Variants in CHN2 observed in about 807,000 individuals in gnomAD.
CHN2 encodes the protein chimerin 2.
Under a neutral mutation model 56.3 loss-of-function variants are expected in CHN2, and 35 were observed. The ratio of observed to expected loss-of-function variants is 0.62; its 90% CI spans 0.47 to 0.82. CHN2 has a LOEUF of 0.82. Ranked by LOEUF, CHN2 falls within the 40% of genes least tolerant of loss-of-function variation. CHN2 has a pLI of 0.00. For missense variants in CHN2, 491 were observed against 580.5 expected (o/e 0.85, Z 1.58); for synonymous variants, 210 against 212.8 (o/e 0.99, Z 0.12).
intron 1 of CHN2, among the ~76,000 whole-genome samples, chr7:29,299,441 T>C (rs1239570855): frequency 6.6e-6 from 1 of 152,070 alleles, no homozygotes; most frequent in Non-Finnish European, 1.5e-5. Flanking sequence ...TGAGTTTCAT[T>C]TTGGGGAGTG....
At chr7:29,499,588 C>CA (rs1365633164) in intron 8 of CHN2, among the ~76,000 whole-genome samples, 2 of 151,848 alleles carry the variant, frequency 1.3e-5, no homozygotes, top group Non-Finnish European at 2.9e-5. Flanking sequence ...AAAACATATA[C>CA]AAAAAAACCT....
At chr7:29,501,791 T>TA (rs1183159887) in intron 9 of CHN2, among the ~76,000 whole-genome samples, 62 of 152,266 alleles carry the variant, frequency 4.1e-4, no homozygotes, top group African/African-American at 1.4e-3. Flanking sequence ...CTTCCATCCA[T>TA]AAAAAATCCT....
At chr7:29,340,333 A>G (rs1351854306) in intron 1 of CHN2, among the ~76,000 whole-genome samples, 1 of 151,094 alleles carries the variant, frequency 6.6e-6, no homozygotes, top group East Asian at 2.0e-4. Context: ...AAGTTTTTAT[A>G]TTCAGAAATC....
At chr7:29,316,865 C>G (rs1352482024) in intron 1 of CHN2, among the ~76,000 whole-genome samples, 1 of 151,780 alleles carries the variant, frequency 6.6e-6, no homozygotes, top group Non-Finnish European at 1.5e-5. Flanking sequence ...ATCATGTGGT[C>G]CCTGGAACTC....
Position 29,480,308 on chromosome 7 carries a change from C to T in CHN2, c.606C>T (p.Leu202=). The change falls in exon 7 of 13, where the codon CTC becomes CTT. Residue 202 remains leucine (L), a synonymous_variant. Coordinates refer to ENST00000222792, the MANE Select transcript of CHN2 (RefSeq NM_004067.4). ...CCTCCCTGGTTCGAAGGGCTGCCCT[C>T]ACACACAACGACAACCACTTCAATT... is the stretch of plus-strand genomic sequence containing the variant. ...KISSLVRRAA[L]THNDNHFNYE... The T allele has an allele frequency of 1.9e-6, 3 of 1,614,198 alleles. No homozygotes were observed. Among genetic ancestry groups the T allele is most frequent in the Non-Finnish European group, 2.5e-6 (3 of 1,180,022 alleles).
At chr7:29,328,255 A>G (rs1332783802) in intron 1 of CHN2, among the ~76,000 whole-genome samples, 1 of 152,170 alleles carries the variant, frequency 6.6e-6, no homozygotes, top group Non-Finnish European at 1.5e-5. Context: ...CCTTTTTTAG[A>G]CAAGACTGCT....
intron 2 of CHN2, among the ~76,000 whole-genome samples, chr7:29,356,807 TTTTG>T (rs1798349839): frequency 6.6e-6 from 1 of 152,176 alleles, no homozygotes; most frequent in Admixed American, 6.5e-5. Context: ...ACTTGGATGT[TTTTG>T]TTTGTTTGTT....
intron 6 of CHN2, among the ~76,000 whole-genome samples, chr7:29,439,178 A>G (rs979524951): frequency 1.3e-5 from 2 of 152,226 alleles, no homozygotes; most frequent in African/African-American, 4.8e-5. Flanking sequence ...AGAACTAAAC[A>G]GTCTTGTGTC....
At chr7:29,355,908 C>T (rs1798281524) in intron 2 of CHN2, among the ~76,000 whole-genome samples, 2 of 151,070 alleles carry the variant, frequency 1.3e-5, no homozygotes, top group Non-Finnish European at 2.9e-5. Flanking sequence ...CTCAGCCTCC[C>T]AAGTACCTGG....
intron 6 of CHN2, among the ~76,000 whole-genome samples, chr7:29,461,816 T>TTGGATGGA (rs5883212): frequency 0.012 from 1,794 of 143,950 alleles, 30 homozygotes; most frequent in Admixed American, 0.048. Context: ...GGTTGGTTCA[T>TTGGATGGA]TGGATGGATG....
chr7:29,278,695 A>G (rs1002845581), intron 1 of CHN2, among the ~76,000 whole-genome samples: 1 of 152,164 alleles, frequency 6.6e-6, no homozygotes, highest in African/African-American at 2.4e-5. Context: ...CTGAACTTCT[A>G]TGATGGCCTC....
At chr7:29,325,203 C>G (rs1795706698) in intron 1 of CHN2, among the ~76,000 whole-genome samples, 1 of 152,222 alleles carries the variant, frequency 6.6e-6, no homozygotes, top group Admixed American at 6.5e-5. Flanking sequence ...TTGATTCTGT[C>G]CCGCTCTGAT....
chr7:29,186,761 C>G (rs539442155), intron 2 of CHN2, among the ~76,000 whole-genome samples: 35 of 152,058 alleles, frequency 2.3e-4, no homozygotes, highest in African/African-American at 8.0e-4. Context: ...GCTGAAATTT[C>G]AAGTAAAAAC....
chr7:29,434,370 C>T (rs188721859), intron 6 of CHN2, among the ~76,000 whole-genome samples: 2 of 149,676 alleles, frequency 1.3e-5, no homozygotes, highest in East Asian at 3.9e-4. Context: ...TGCCTTAGAA[C>T]AACAGACCTT....
In CHN2 at chr7:29,499,905, G is replaced by A. The variant is rs766245824; in HGVS notation, c.778G>A (p.Val260Ile). The A allele has an allele frequency of 1.6e-5, 25 of 1,609,862 alleles. No homozygotes were observed. The highest frequency in any genetic ancestry group is 2.0e-5 in the Non-Finnish European group (24 of 1,178,658). ...LNVHKQCSKH[V>I]PNDCQPDLKR... is the part of the protein sequence containing the mutation. The stretch of plus-strand genomic sequence containing the variant: ...CGTACACAAACAGTGTTCCAAGCAC[G>A]TTCCCAATGACTGCCAACCTGATCT... The change falls in exon 9 of 13, where the codon GTT (valine) becomes ATT (isoleucine). Residue 260 changes from valine (V) to isoleucine (I), a missense_variant. By Grantham distance (29) the Val-to-Ile change is conservative. Transcript: ENST00000222792.
intron 1 of CHN2, among the ~76,000 whole-genome samples, chr7:29,283,835 T>C (rs1791920802): frequency 1.3e-5 from 2 of 151,548 alleles, no homozygotes; most frequent in Admixed American, 1.3e-4. Context: ...GCCAAGCTGG[T>C]CTTGAACTCC....
intron 7 of CHN2, among the ~76,000 whole-genome samples, chr7:29,490,438 A>C (rs904090070): frequency 6.6e-6 from 1 of 152,198 alleles, no homozygotes; most frequent in Non-Finnish European, 1.5e-5. Flanking sequence ...ATTCTTGTAG[A>C]TAATGAGATC....
chr7:29,180,430 G>A (rs1324283484), intron 2 of CHN2, among the ~76,000 whole-genome samples: 1 of 152,120 alleles, frequency 6.6e-6, no homozygotes, highest in Non-Finnish European at 1.5e-5. Context: ...AGGAGGCTGA[G>A]GCAGGAGAAT....
chr7:29,479,915 C>T, intron 6 of CHN2: 11 of 1,433,682 alleles, frequency 7.7e-6, no homozygotes, highest in Non-Finnish European at 1.0e-5. Context: ...ACAAAACAGG[C>T]CCATCCTTAT....
Sources: gnomAD v4.1 joint callset for allele counts (sites outside exome capture counted in the v4.1 genomes callset) on GRCh38, gnomAD v4.1.1 for gene constraint, MANE v1.5 for transcripts, NCBI Gene and HGNC (gene_info 2026-07-23, HGNC 2026-07-21) for gene names.